DUOX1: variants seen among roughly 807,000 people sequenced by gnomAD.
DUOX1 encodes the protein dual oxidase 1, also known as NADPH thyroid oxidase 1.
A neutral mutation model predicts 181.8 loss-of-function variants in DUOX1; 134 were observed. The ratio of observed to expected loss-of-function variants is 0.74; its 90% CI spans 0.64 to 0.85. DUOX1 has a LOEUF of 0.85. Ranked by LOEUF, DUOX1 falls within the 40% of genes least tolerant of loss-of-function variation. DUOX1 has a pLI of 0.00. For synonymous variants in DUOX1, 798 were observed against 832.5 expected (o/e 0.96, Z 0.71); for missense variants, 1,814 against 2,064.4 (o/e 0.88, Z 2.35).
At position 45,139,136 on chromosome 15, in the gene DUOX1, G is replaced by A. The variant is rs769729093; in HGVS notation, c.1184G>A (p.Arg395Gln). The change falls in exon 11 of 34, where the codon CGA (arginine) becomes CAA (glutamine). Residue 395 changes from arginine (R) to glutamine (Q), a missense_variant. By Grantham distance (43) the Arg-to-Gln change is conservative (BLOSUM62 1). This residue lies in a region of DUOX1 where 1,064 missense variants were observed against 1,152.9 expected (regional missense o/e 0.92). Coordinates refer to ENST00000389037, the MANE Select transcript of DUOX1 (RefSeq NM_175940.3). ...LLGMASQIAE[R>Q]EDHVLVEDVR... ...GGCATGGCCTCCCAGATCGCAGAGC[G>A]AGAGGACCATGTGTTGGTTGAAGAT... 2.1e-5 allele frequency: 34 copies of A among 1,614,086 alleles called. No individual in the cohort carries two copies. Among genetic ancestry groups the A allele is most frequent in the African/African-American group, 8.0e-5 (6 of 74,938 alleles).
At chr15:45,150,573 G>T in intron 21 of DUOX1, 59 bp from the exon 22 acceptor site, 1 of 1,538,148 alleles carries the variant, frequency 6.5e-7, no homozygotes, top group Non-Finnish European at 9.0e-7. Flanking sequence ...GTGCGTTTGA[G>T]CCAGGTCTTC....
In DUOX1 at chr15:45,150,625, T is replaced by C. The variant is rs371223848; in HGVS notation, c.2819-7T>C. ...GAGCTGCTCCCTAGCCTGGCTCTGC[T>C]TTGCAGGGGTGGAGGTGCCTGAAGT... On this transcript the variant is annotated splice_region_variant and splice_polypyrimidine_tract_variant and intron_variant, in intron 21 of 33. Coordinates refer to ENST00000389037, the MANE Select transcript of DUOX1 (RefSeq NM_175940.3). 1,264 of 1,613,722 alleles carry C rather than the reference T, an allele frequency of 7.8e-4. 1 individual carries two copies. Among genetic ancestry groups the C allele is most frequent in the Non-Finnish European group, 9.7e-4 (1,148 of 1,179,988 alleles).
At chr15:45,159,783 G>A (rs1463702481) in intron 28 of DUOX1, among the ~76,000 whole-genome samples, 1 of 152,186 alleles carries the variant, frequency 6.6e-6, no homozygotes, top group Non-Finnish European at 1.5e-5. Context: ...ACTGCTAGGA[G>A]CTTATAATGG....
chr15:45,151,023 G>C (rs1285351972), intron 22 of DUOX1, 100 bp from the exon 23 acceptor site: 1 of 1,533,894 alleles, frequency 6.5e-7, no homozygotes, highest in East Asian at 2.3e-5. Flanking sequence ...TGACAGCTCT[G>C]ATCCTTCCTC....
At chr15:45,138,829 A>G (rs1896408877) in intron 10 of DUOX1, 1 of 501,076 alleles carries the variant, frequency 2.0e-6, no homozygotes, top group African/African-American at 2.0e-5. Flanking sequence ...AGGTCAAAGT[A>G]AAATTTTAAG....
rs555133473 is a variant in DUOX1, at chr15:45,131,830, C to T, written c.-49-88C>T. 4.2e-4 allele frequency: 396 copies of T among 936,996 alleles called. 2 individuals carry two copies. In the South Asian group the frequency reaches 5.3e-3, roughly 13 times the overall value. 58.0% of individuals were successfully genotyped at this position (936,996 alleles called of 1,614,324 possible). A position where few individuals can be genotyped will look rare whatever the true frequency, so the allele number is the denominator to read the frequency against. On this transcript the variant is annotated intron_variant, in intron 1 of 33. Coordinates refer to ENST00000389037, the MANE Select transcript of DUOX1 (RefSeq NM_175940.3). Reference sequence around the variant, plus strand: ...CTACCTACTGTGACCTTGGCCCAGCCCCAGGCCTTGATTCACAGAGGCCTG... The same window carrying T: ...CTACCTACTGTGACCTTGGCCCAGCTCCAGGCCTTGATTCACAGAGGCCTG...
At chr15:45,138,064 ATGTGTGTGTGTGTATGTG>A in intron 10 of DUOX1, 50 bp downstream of exon 10, 1 of 1,027,688 alleles carries the variant, frequency 9.7e-7, no homozygotes. Flanking sequence ...GTGCATGCTT[ATGTGTGTGTGTGTATGTG>A]TGTGTGTGTG....
chr15:45,136,308 C>G (rs746675063), intron 7 of DUOX1, 42 bp from the exon 8 acceptor site: 251 of 1,612,034 alleles, frequency 1.6e-4, no homozygotes, highest in Non-Finnish European at 1.9e-4. Flanking sequence ...AGGTCCCTCC[C>G]CATCCAACTC....
rs1286705604 is a variant in DUOX1 at position 45,160,982 on chromosome 15, T to A, written c.3848T>A (p.Leu1283Gln). The A allele has an allele frequency of 1.9e-6, 3 of 1,614,052 alleles. No individual in the cohort carries two copies. Among genetic ancestry groups the A allele is most frequent in the Non-Finnish European group, 2.5e-6 (3 of 1,179,986 alleles). Residue 1283 changes from leucine (L) to glutamine (Q), a missense_variant, in exon 29 of 34, where the codon CTG (leucine) becomes CAG (glutamine). By Grantham distance (113) the Leu-to-Gln change is moderately radical. Around this residue, in one of 5 missense-constraint regions of DUOX1, gnomAD observed 279 missense variants for 381.9 expected, o/e 0.73. Coordinates refer to ENST00000389037, the MANE Select transcript of DUOX1 (RefSeq NM_175940.3). Reference protein sequence around the residue: ...VEISVVKAELLPSGVTHLRFQ... With the variant: ...VEISVVKAELQPSGVTHLRFQ... ...ATCAGCGTGGTGAAGGCGGAGCTGC[T>A]GCCCTCAGGTACCAGCCTGGCAGGA...
intron 18 of DUOX1, 103 bp from the exon 19 acceptor site, chr15:45,147,330 C>A: frequency 1.4e-6 from 2 of 1,455,266 alleles, no homozygotes; most frequent in Non-Finnish European, 1.9e-6. Context: ...CAGAGGGGGT[C>A]CTGGGCAGAC....
chr15:45,147,441 C>T lies in DUOX1; in HGVS notation c.2331C>T (p.Asp777=), dbSNP rs1896682122. Residue 777 remains aspartate (D), a synonymous_variant, in exon 19 of 34, where the codon GAC becomes GAT. Coordinates refer to ENST00000389037, the MANE Select transcript of DUOX1 (RefSeq NM_175940.3). ...FFRHLFSQVL[D]INQADAGTLP... ...CTTCTGCCCAAGTGCAGGTGCTGGA[C>T]ATCAACCAGGCCGACGCAGGGACCC... 1 of 1,613,404 alleles carries T rather than the reference C, an allele frequency of 6.2e-7. No individual in the cohort carries two copies. Among genetic ancestry groups the T allele is most frequent in the Admixed American group, 1.7e-5 (1 of 59,922 alleles).
rs566622588 is a variant in DUOX1, at chr15:45,136,589, T to A, written c.986T>A (p.Phe329Tyr). The part of the protein sequence containing the change: ...SSEFVAASEQ[F>Y]LSTMVPPGVY... ...GAGTTCGTGGCGGCCTCTGAGCAGTTCCTGTCCACCATGGTGCCCCCTGGC... is the reference window on the plus strand; with the variant it reads ...GAGTTCGTGGCGGCCTCTGAGCAGTACCTGTCCACCATGGTGCCCCCTGGC... Residue 329 changes from phenylalanine to tyrosine, a missense_variant, in exon 9 of 34, where the codon TTC becomes TAC. By Grantham distance (22) the Phe-to-Tyr change is conservative (BLOSUM62 3). Around this residue, in one of 5 missense-constraint regions of DUOX1, gnomAD observed 1,064 missense variants for 1,152.9 expected, o/e 0.92. Coordinates refer to ENST00000389037, the MANE Select transcript of DUOX1 (RefSeq NM_175940.3). 2 of 1,614,070 alleles carry A rather than the reference T, an allele frequency of 1.2e-6. No homozygotes were observed. Among genetic ancestry groups the A allele is most frequent in the East Asian group, 2.2e-5 (1 of 44,880 alleles).
Position 45,143,262 on chromosome 15 carries a change from G to A in DUOX1, c.1895G>A (p.Arg632His), listed in dbSNP as rs774785917. Reference sequence around the variant, plus strand: ...TTCAAGAGGCTCCAGGGCCAGGACCGCCAGAGCATCGTGTCTGAGAAGCTC... The same window carrying A: ...TTCAAGAGGCTCCAGGGCCAGGACCACCAGAGCATCGTGTCTGAGAAGCTC... The part of the protein sequence containing the change: ...RNFKRLQGQD[R>H]QSIVSEKLVG... The change falls in exon 16 of 34, where the codon CGC becomes CAC. Residue 632 changes from arginine (R) to histidine (H), a missense_variant. Transcript: ENST00000389037. 8 of 1,613,994 alleles carry A rather than the reference G, an allele frequency of 5.0e-6. No individual in the cohort carries two copies. The highest frequency in any genetic ancestry group is 1.1e-5 in the South Asian group (1 of 91,090).
intron 30 of DUOX1, 57 bp downstream of exon 30, chr15:45,162,027 G>A (rs746660606): frequency 4.5e-5 from 69 of 1,533,504 alleles, no homozygotes; most frequent in Non-Finnish European, 5.9e-5. Context: ...GAAGGCTTTG[G>A]CCCGGCAGCA....
rs750363343 is a variant in DUOX1 at position 45,136,347 on chromosome 15, C to G, written c.865-3C>G. 39 of 1,613,498 alleles carry G rather than the reference C, an allele frequency of 2.4e-5. No individual in the cohort carries two copies. Among genetic ancestry groups the G allele is most frequent in the African/African-American group, 4.0e-5 (3 of 74,882 alleles). The stretch of plus-strand genomic sequence containing the variant: ...CCTCCCCTCGCCCCTCTCTGCCCCT[C>G]AGAACATCGCTGTGTATGAGTGGCT... On this transcript the variant is annotated splice_region_variant and splice_polypyrimidine_tract_variant and intron_variant, in intron 7 of 33. Transcript: ENST00000389037.
At chr15:45,135,395 G>A (rs1896275044) in intron 5 of DUOX1, 79 bp from the exon 6 acceptor site, 10 of 1,501,138 alleles carry the variant, frequency 6.7e-6, no homozygotes, top group East Asian at 2.5e-5. Flanking sequence ...CTCCCCAGCC[G>A]CGGACACCCG....
chr15:45,134,633 G>T lies in DUOX1; in HGVS notation c.307+324G>T, dbSNP rs769352238. Among the ~76,000 whole-genome samples the T allele has an allele frequency of 2.0e-5, 3 of 152,290 alleles. No individual in the cohort carries two copies. In the East Asian group the frequency reaches 5.8e-4, roughly 29 times the overall value. On this transcript the variant is annotated intron_variant, in intron 4 of 33. Transcript: ENST00000389037. ...CAGAAACATGAAAATAATCTGGGAGGGCCTCTCCGTGGGACCCTGTTCTTA... is the reference window on the plus strand; with the variant it reads ...CAGAAACATGAAAATAATCTGGGAGTGCCTCTCCGTGGGACCCTGTTCTTA...
At chr15:45,153,300 G>A in intron 25 of DUOX1, 80 bp from the exon 26 acceptor site, 4 of 1,062,838 alleles carry the variant, frequency 3.8e-6, no homozygotes, top group South Asian at 1.2e-5. Flanking sequence ...ACTCTGGCCA[G>A]GGTCCTCGAT....
chr15:45,143,475 T>C (rs1896561253), intron 16 of DUOX1, among the ~76,000 whole-genome samples, 172 bp downstream of exon 16: 1 of 152,170 alleles, frequency 6.6e-6, no homozygotes, highest in Non-Finnish European at 1.5e-5. Flanking sequence ...CTCCAGAGTT[T>C]CTCATGTGCA....
Sources: gnomAD v4.1 joint callset for allele counts (sites outside exome capture counted in the v4.1 genomes callset) on GRCh38, gnomAD v4.1.1 for gene constraint, gnomAD v4.1.1 regional missense constraint, MANE v1.5 for transcripts, NCBI Gene and HGNC (gene_info 2026-07-23, HGNC 2026-07-21) for gene names.